Variants in TTLL4 observed in about 807,000 individuals in gnomAD.
TTLL4 encodes the protein tubulin monoglutamylase TTLL4.
TTLL4 carries 85 observed loss-of-function variants against 122.7 expected under a neutral mutation model. That is an observed-to-expected ratio of 0.69 (90% confidence interval 0.58 to 0.83). The LOEUF (loss-of-function observed/expected upper bound fraction) is 0.83. Among genes scored for constraint, TTLL4 ranks in the 40% least tolerant of loss-of-function variants. TTLL4 has a pLI of 0.00. For missense variants in TTLL4, 1,363 were observed against 1,488.6 expected, an observed-to-expected ratio of 0.92 and a Z score of 1.39; for synonymous variants, 553 against 563.0, an observed-to-expected ratio of 0.98 and a Z score of 0.25.
At chr2:218,731,353 G>A (rs561733946) in intron 2 of TTLL4, among the ~76,000 whole-genome samples, 1 of 151,778 alleles carries the variant, frequency 6.6e-6, no homozygotes, top group Non-Finnish European at 1.5e-5. Context: ...AGAGGTTGCA[G>A]TGAGCCAAGA....
intron 1 of TTLL4, among the ~76,000 whole-genome samples, chr2:218,717,452 A>G (rs1941895989): frequency 1.3e-5 from 2 of 152,096 alleles, no homozygotes; most frequent in Non-Finnish European, 1.5e-5. Context: ...ACCCCATTAC[A>G]TAAACCCTTC....
intron 2 of TTLL4, among the ~76,000 whole-genome samples, chr2:218,735,944 C>T (rs1213852685): frequency 1.4e-5 from 2 of 140,660 alleles, no homozygotes. Context: ...GCTGGGATTA[C>T]AGATGTAGCC....
chr2:218,740,388 A>G, intron 4 of TTLL4, 133 bp from the exon 5 acceptor site: 1 of 1,031,054 alleles, frequency 9.7e-7, no homozygotes, highest in African/African-American at 1.6e-5. Context: ...AGGCAGTGCA[A>G]AGCAGCGGGG....
intron 1 of TTLL4, among the ~76,000 whole-genome samples, chr2:218,723,533 TGA>T (rs1357607473): frequency 2.0e-5 from 3 of 152,150 alleles, no homozygotes; most frequent in African/African-American, 2.4e-5. Flanking sequence ...CACTGGCCAT[TGA>T]GAGAGGTTGA....
At position 218,743,268 on chromosome 2, in the gene TTLL4, G is replaced by T. The variant is rs116397925; in HGVS notation, c.1662-1841G>T. 4.4e-3 allele frequency among the ~76,000 whole-genome samples: 670 copies of T among 152,258 alleles called. 5 individuals carry two copies. The highest frequency in any genetic ancestry group is 0.015 in the African/African-American group (631 of 41,546). ...CTAGTTCTCCTTTTTGTCATTTCAAGAATGTTACACAGATAGAATCACAGC... is the reference window on the plus strand; with the variant it reads ...CTAGTTCTCCTTTTTGTCATTTCAATAATGTTACACAGATAGAATCACAGC... On this transcript the variant is annotated intron_variant, in intron 5 of 19. Transcript: ENST00000392102.
intron 8 of TTLL4, 140 bp downstream of exon 8, chr2:218,746,371 C>A: frequency 1.2e-6 from 1 of 842,674 alleles, no homozygotes; most frequent in Non-Finnish European, 1.9e-6. Flanking sequence ...GGAGAAAGTA[C>A]AGGACGGGGG....
At chr2:218,736,617 T>C (rs1942531771) in intron 2 of TTLL4, among the ~76,000 whole-genome samples, 1 of 152,172 alleles carries the variant, frequency 6.6e-6, no homozygotes, top group Non-Finnish European at 1.5e-5. Context: ...TGCTGGTGTT[T>C]AGTTCAATTT....
rs139928382 is a variant in TTLL4, at chr2:218,748,127, C to T, written c.2401C>T (p.Leu801Phe). 3 of 1,614,120 alleles carry T rather than the reference C, an allele frequency of 1.9e-6. No homozygotes were observed. ...SCKYSPSMKSLGNKFMHLTNY... is the reference protein window; with the variant it reads ...SCKYSPSMKSFGNKFMHLTNY... ...CAGGTATTCGCCTTCCATGAAGAGC[C>T]TTGGCAATAAGTTCATGCACCTGAC... Residue 801 changes from leucine (L) to phenylalanine (F), a missense_variant, in exon 12 of 20, where the codon CTT becomes TTT. This residue lies in a region of TTLL4 where 596 missense variants were observed against 655.8 expected (regional missense o/e 0.91). Transcript: ENST00000392102.
chr2:218,728,803 G>A (rs555004447), intron 2 of TTLL4, among the ~76,000 whole-genome samples: 14 of 152,274 alleles, frequency 9.2e-5, no homozygotes, highest in South Asian at 6.2e-4. Flanking sequence ...GAGAGTCCAG[G>A]GCTGAATATG....
chr2:218,717,389 A>C (rs889281016), intron 1 of TTLL4, among the ~76,000 whole-genome samples: 1 of 152,122 alleles, frequency 6.6e-6, no homozygotes, highest in African/African-American at 2.4e-5. Context: ...GAGAAGGAGG[A>C]AAGAGCCTCC....
chr2:218,751,627 C>T, intron 15 of TTLL4, 77 bp from the exon 16 acceptor site: 1 of 1,552,860 alleles, frequency 6.4e-7, no homozygotes, highest in Non-Finnish European at 8.7e-7. Flanking sequence ...GTCTGCTGGG[C>T]TGGACCTCCT....
rs1316765496 is a variant in TTLL4, at chr2:218,747,865, C to T, written c.2378+140C>T. The stretch of plus-strand genomic sequence containing the variant: ...GCAGGAAATGGGAAATATGGAGGCT[C>T]TCTACTTCGTTAAATCTGGGGAGGG... On this transcript the variant is annotated intron_variant, in intron 11 of 19. Transcript: ENST00000392102. This position sits in a 1 kb window ranked among gnomAD's most constrained non-coding sequence, Gnocchi z 4.7. 17 of 1,311,514 alleles carry T rather than the reference C, an allele frequency of 1.3e-5. No individual in the cohort carries two copies. The highest frequency in any genetic ancestry group is 2.8e-5 in the South Asian group (2 of 71,742). The allele number at this position is 1,311,514 out of a possible 1,614,324, so 81.2% of individuals were successfully genotyped here.
At chr2:218,750,280 T>A in intron 15 of TTLL4, 134 bp downstream of exon 15, 1 of 1,249,076 alleles carries the variant, frequency 8.0e-7, no homozygotes, top group Non-Finnish European at 1.1e-6. Flanking sequence ...TACAGTCCAC[T>A]AACATGCTAC....
Position 218,753,011 on chromosome 2 carries a change from G to A in TTLL4, c.3187+38G>A, listed in dbSNP as rs750857019. ...CCCTGCCCTCAGAAAGCCAAGTTTA[G>A]TGAGAGATTAAATCCCAGTATACCA... is the stretch of plus-strand genomic sequence containing the variant. On this transcript the variant is annotated intron_variant, in intron 17 of 19. Coordinates refer to ENST00000392102, the MANE Select transcript of TTLL4 (RefSeq NM_014640.5). 4.3e-5 allele frequency: 69 copies of A among 1,613,928 alleles called. No individual in the cohort carries two copies. In the South Asian group the frequency reaches 7.4e-4, roughly 17 times the overall value.
intron 1 of TTLL4, among the ~76,000 whole-genome samples, chr2:218,715,693 A>G (rs1348260040): frequency 6.6e-6 from 1 of 151,988 alleles, no homozygotes; most frequent in Non-Finnish European, 1.5e-5. Flanking sequence ...GCAGTGGCGC[A>G]ATCTCGGCTC....
chr2:218,713,497 C>G (rs1441974133), intron 1 of TTLL4, among the ~76,000 whole-genome samples: 1 of 152,100 alleles, frequency 6.6e-6, no homozygotes, highest in Non-Finnish European at 1.5e-5. Context: ...CCAGGCTGGT[C>G]TCAAATTCCT....
At position 218,748,245 on chromosome 2, in the gene TTLL4, T is replaced by G; in HGVS notation, c.2501+18T>G. On this transcript the variant is annotated intron_variant, in intron 12 of 19. Coordinates refer to ENST00000392102, the MANE Select transcript of TTLL4 (RefSeq NM_014640.5). ...CACAAATGGTACTGAGGGCAGAGTG[T>G]CCCAGTCCAGTGAAGGCCTAGAGGA... 1 of 1,613,932 alleles carries G rather than the reference T, an allele frequency of 6.2e-7. No homozygotes were observed. The highest frequency in any genetic ancestry group is 8.5e-7 in the Non-Finnish European group (1 of 1,179,918).
In TTLL4 at chr2:218,754,290, G is replaced by T. The variant is rs762943397; in HGVS notation, c.3501G>T (p.Gln1167His). 6.2e-6 allele frequency: 10 copies of T among 1,614,050 alleles called. No homozygotes were observed. The highest frequency in any genetic ancestry group is 8.5e-6 in the Non-Finnish European group (10 of 1,180,050). ...GCAAAGAGCCCAGCCTTTCTACCCA[G>T]ACGTTACCTGTGATCAAGTGCTCTG... ...DTSKEPSLST[Q>H]TLPVIKCSGQ... The change falls in exon 20 of 20, where the codon CAG becomes CAT. Residue 1167 changes from glutamine to histidine, a missense_variant. This residue lies in a region of TTLL4 where 596 missense variants were observed against 655.8 expected (regional missense o/e 0.91). Transcript: ENST00000392102.
chr2:218,716,624 C>T (rs941301063), intron 1 of TTLL4, among the ~76,000 whole-genome samples: 7 of 152,154 alleles, frequency 4.6e-5, no homozygotes, highest in African/African-American at 1.7e-4. Context: ...CCTGTCTCTA[C>T]TAAAAATACA....
Sources: allele counts gnomAD v4.1 joint callset (sites outside exome capture counted in the v4.1 genomes callset), GRCh38; gene constraint gnomAD v4.1.1; regional missense constraint gnomAD v4.1.1; non-coding constraint Gnocchi (gnomAD v3.1); transcripts MANE v1.5; gene names NCBI Gene and HGNC (gene_info 2026-07-23, HGNC 2026-07-21).